RBFOX3: variants seen among roughly 807,000 people sequenced by gnomAD.
RBFOX3 encodes the protein RNA binding protein fox-1 homolog 3.
In RBFOX3, 17 loss-of-function variants were observed where a neutral mutation model predicts 48.7. The observed-to-expected ratio is 0.35, with a 90% CI of 0.24 to 0.52. The LOEUF (loss-of-function observed/expected upper bound fraction) is 0.52. Among genes scored for constraint, RBFOX3 ranks in the 20% least tolerant of loss-of-function variants. The pLI is 0.94. For missense variants in RBFOX3, 382 were observed against 497.5 expected, an observed-to-expected ratio of 0.77 and a Z score of 2.21; for synonymous variants, 212 against 209.5, an observed-to-expected ratio of 1.01 and a Z score of -0.10.
intron 2 of RBFOX3, among the ~76,000 whole-genome samples, chr17:79,308,953 T>C (rs2076456045): frequency 6.6e-6 from 1 of 151,970 alleles, no homozygotes; most frequent in Non-Finnish European, 1.5e-5. Flanking sequence ...ACCCCATCTC[T>C]ACTAAAAATA....
chr17:79,357,987 C>T (rs544068839), intron 2 of RBFOX3, among the ~76,000 whole-genome samples: 3 of 151,908 alleles, frequency 2.0e-5, no homozygotes, highest in African/African-American at 2.4e-5. Flanking sequence ...GCATCTTGCT[C>T]TGTCACTGGA....
chr17:79,165,371 C>T (rs1347767603), intron 4 of RBFOX3, among the ~76,000 whole-genome samples: 1 of 152,186 alleles, frequency 6.6e-6, no homozygotes, highest in African/African-American at 2.4e-5. Context: ...AAATGAAGTG[C>T]CGGCTCCTCA....
intron 2 of RBFOX3, among the ~76,000 whole-genome samples, chr17:79,417,922 G>A (rs72852489): frequency 0.15 from 22,878 of 152,278 alleles, 1,953 homozygotes; most frequent in Non-Finnish European, 0.19. Context: ...CACAACATGG[G>A]AGAACCCTGG....
chr17:79,403,212 C>G (rs2063046997), intron 2 of RBFOX3, among the ~76,000 whole-genome samples: 1 of 152,148 alleles, frequency 6.6e-6, no homozygotes, highest in African/African-American at 2.4e-5. Flanking sequence ...TCCCCACCAC[C>G]CTGTATGTCC....
chr17:79,092,374 A>G, intron 14 of RBFOX3: 1 of 985,668 alleles, frequency 1.0e-6, no homozygotes, highest in Non-Finnish European at 1.2e-6. Context: ...GACATACAGG[A>G]AAAACCAGGG....
chr17:79,316,029 T>A (rs1480075641), intron 2 of RBFOX3, among the ~76,000 whole-genome samples: 2 of 152,180 alleles, frequency 1.3e-5, no homozygotes, highest in Non-Finnish European at 2.9e-5. Context: ...TTTGCAAGTA[T>A]CTGTGCCCCC....
chr17:79,410,333 T>C (rs2064130979), intron 2 of RBFOX3, among the ~76,000 whole-genome samples: 1 of 152,180 alleles, frequency 6.6e-6, no homozygotes, highest in Non-Finnish European at 1.5e-5. Flanking sequence ...TCTCCGTGCA[T>C]CATTCTGGCT....
chr17:79,389,589 C>G (rs2061065952), intron 2 of RBFOX3, among the ~76,000 whole-genome samples: 1 of 152,214 alleles, frequency 6.6e-6, no homozygotes, highest in Admixed American at 6.5e-5. Context: ...CTCAGTGGGT[C>G]TCCACTCAGG....
At chr17:79,227,956 TC>T (rs995668865) in intron 4 of RBFOX3, among the ~76,000 whole-genome samples, 1 of 152,056 alleles carries the variant, frequency 6.6e-6, no homozygotes, top group African/African-American at 2.4e-5. Flanking sequence ...TTTGTGGACC[TC>T]CCCCTACGAA....
rs1047191403 is a variant in RBFOX3, at chr17:79,362,042, C to T, written c.-174-54218G>A. On this transcript the variant is annotated intron_variant, in intron 2 of 14. Coordinates refer to ENST00000693108, the MANE Select transcript of RBFOX3 (RefSeq NM_001350451.2). The surrounding 1 kb of genome is among the most constrained non-coding windows in gnomAD (Gnocchi z 4.2). ...AGCTGCCTTGGACGAATGTTCCCTGCCTGCTGCGTATTTACTCAGTCATCA... is the reference window on the plus strand; with the variant it reads ...AGCTGCCTTGGACGAATGTTCCCTGTCTGCTGCGTATTTACTCAGTCATCA... Among the ~76,000 whole-genome samples, 1 of 152,196 alleles carries T rather than the reference C, an allele frequency of 6.6e-6. No individual in the cohort carries two copies. Among genetic ancestry groups the T allele is most frequent in the Non-Finnish European group, 1.5e-5 (1 of 68,046 alleles).
intron 4 of RBFOX3, among the ~76,000 whole-genome samples, chr17:79,147,999 G>A (rs541905654): frequency 1.3e-3 from 199 of 152,126 alleles, no homozygotes; most frequent in African/African-American, 4.1e-3. Flanking sequence ...ATCCAGAGCC[G>A]CCGCTGCCGT....
chr17:79,512,607 C>T (rs1250241573), intron 1 of RBFOX3, among the ~76,000 whole-genome samples: 3 of 150,148 alleles, frequency 2.0e-5, no homozygotes, highest in African/African-American at 7.4e-5. Context: ...GCCCCATGGC[C>T]AGGGGACGCA....
At chr17:79,389,180 G>A (rs190399186) in intron 2 of RBFOX3, among the ~76,000 whole-genome samples, 1,632 of 152,252 alleles carry the variant, frequency 0.011, 23 homozygotes, top group Non-Finnish European at 0.017. Flanking sequence ...TCTCTCCCTC[G>A]CTGCTCTTCC....
the RBFOX3 span, among the ~76,000 whole-genome samples, chr17:79,649,763 G>C: frequency 2.1e-4 from 32 of 152,196 alleles, no homozygotes; most frequent in African/African-American, 7.7e-4. Context: ...TTGGCTCAAG[G>C]TTCTGCAGGC....
intron 1 of RBFOX3, among the ~76,000 whole-genome samples, chr17:79,487,495 C>T (rs2079804282): frequency 6.6e-6 from 1 of 152,184 alleles, no homozygotes; most frequent in South Asian, 2.1e-4. Context: ...CATCATCATC[C>T]TCGTCCTCAG....
At chr17:79,469,981 C>A (rs1036845467) in intron 2 of RBFOX3, among the ~76,000 whole-genome samples, 2 of 152,158 alleles carry the variant, frequency 1.3e-5, no homozygotes, top group Non-Finnish European at 1.5e-5. Context: ...TAAAACACAT[C>A]CCTGGCAGTG....
intron 4 of RBFOX3, among the ~76,000 whole-genome samples, chr17:79,231,492 G>A (rs1420727406): frequency 6.6e-6 from 1 of 152,102 alleles, no homozygotes; most frequent in Non-Finnish European, 1.5e-5. Context: ...TATCAGGGCT[G>A]TATTTATTGT....
At chr17:79,163,026 G>C (rs915640397) in intron 4 of RBFOX3, among the ~76,000 whole-genome samples, 1 of 152,196 alleles carries the variant, frequency 6.6e-6, no homozygotes, top group Non-Finnish European at 1.5e-5. Context: ...AGGGCTGTCT[G>C]GGGGAGAGAG....
At chr17:79,625,534 T>C in the RBFOX3 span, among the ~76,000 whole-genome samples, 60 of 152,322 alleles carry the variant, frequency 3.9e-4, 1 homozygote, top group South Asian at 0.011. Flanking sequence ...CTCACACCTG[T>C]AATCCCAGCA....
Sources: allele counts gnomAD v4.1 joint callset (sites outside exome capture counted in the v4.1 genomes callset), GRCh38; gene constraint gnomAD v4.1.1; non-coding constraint Gnocchi (gnomAD v3.1); transcripts MANE v1.5; gene names NCBI Gene and HGNC (gene_info 2026-07-23, HGNC 2026-07-21).